Variants in ENOX1 observed in about 807,000 individuals in gnomAD.
ENOX1 encodes ecto-NOX disulfide-thiol exchanger 1, also known as candidate growth-related and time keeping constitutive hydroquinone (NADH) oxidase.
A neutral mutation model predicts 82.5 loss-of-function variants in ENOX1; 42 were observed. That is an observed-to-expected ratio of 0.51 (90% CI 0.40 to 0.66). The LOEUF (loss-of-function observed/expected upper bound fraction) is 0.66, where lower values mean the gene tolerates loss of function less well. Ranked by LOEUF, ENOX1 falls within the 30% of genes least tolerant of loss-of-function variation. The probability of loss-of-function intolerance (pLI) is 0.00; values close to 1 mark genes in which losing one functional copy is unlikely to be tolerated. For synonymous variants in ENOX1, 271 were observed against 282.2 expected, an observed-to-expected ratio of 0.96 and a Z score of 0.40; for missense variants, 608 against 811.6, an observed-to-expected ratio of 0.75 and a Z score of 3.05.
intron 1 of ENOX1, among the ~76,000 whole-genome samples, chr13:43,777,880 T>C (rs1328605213): frequency 6.6e-6 from 1 of 152,224 alleles, no homozygotes. Flanking sequence ...TAATAAAAAA[T>C]AGCATAAGTA....
chr13:43,502,872 A>AAT (rs1200654266), intron 2 of ENOX1, among the ~76,000 whole-genome samples: 2 of 151,418 alleles, frequency 1.3e-5, no homozygotes, highest in African/African-American at 2.4e-5. Flanking sequence ...AATAAAAAGA[A>AAT]ATATATATAT....
intron 1 of ENOX1, among the ~76,000 whole-genome samples, chr13:43,769,693 A>T (rs1022112609): frequency 5.3e-5 from 8 of 152,332 alleles, no homozygotes; most frequent in African/African-American, 1.9e-4. Context: ...GGCTGGTAGA[A>T]TACATTCCTC....
chr13:43,319,984 T>C (rs915530769), intron 11 of ENOX1, among the ~76,000 whole-genome samples: 1 of 152,194 alleles, frequency 6.6e-6, no homozygotes. Context: ...TGGAAGGTGT[T>C]TCCCTCGGGC....
At chr13:43,407,836 G>A (rs909137352) in intron 5 of ENOX1, among the ~76,000 whole-genome samples, 1 of 152,124 alleles carries the variant, frequency 6.6e-6, no homozygotes, top group African/African-American at 2.4e-5. Flanking sequence ...CTACACCAAT[G>A]CACAAAGTAT....
intron 2 of ENOX1, among the ~76,000 whole-genome samples, chr13:43,609,621 T>A (rs912064308): frequency 6.6e-6 from 1 of 152,232 alleles, no homozygotes; most frequent in Non-Finnish European, 1.5e-5. Flanking sequence ...ACATGTAGCA[T>A]CTAATTATTT....
chr13:43,440,878 T>C (rs1262993561), intron 3 of ENOX1, among the ~76,000 whole-genome samples: 1 of 152,240 alleles, frequency 6.6e-6, no homozygotes, highest in Non-Finnish European at 1.5e-5. Flanking sequence ...TCAACTGATG[T>C]TATCAAACAG....
At chr13:43,731,635 C>T (rs895993330) in intron 1 of ENOX1, among the ~76,000 whole-genome samples, 1 of 151,934 alleles carries the variant, frequency 6.6e-6, no homozygotes, top group African/African-American at 2.4e-5. Context: ...GGTGTAACTG[C>T]TTTTGGCTCA....
At chr13:43,284,259 C>A (rs549591204) in intron 12 of ENOX1, among the ~76,000 whole-genome samples, 1 of 151,308 alleles carries the variant, frequency 6.6e-6, no homozygotes, top group East Asian at 1.9e-4. Context: ...AAATACAAAC[C>A]GTTAGGAAAG....
chr13:43,346,691 G>A (rs544136257), intron 8 of ENOX1, among the ~76,000 whole-genome samples: 6 of 152,180 alleles, frequency 3.9e-5, no homozygotes, highest in East Asian at 1.9e-4. Flanking sequence ...TTAACATTAC[G>A]TTCAGCCCAT....
intron 3 of ENOX1, among the ~76,000 whole-genome samples, chr13:43,423,756 A>G (rs1299861813): frequency 6.6e-6 from 1 of 152,232 alleles, no homozygotes; most frequent in Non-Finnish European, 1.5e-5. Context: ...CTTAACTACC[A>G]TCTTACCTAG....
At chr13:43,484,173 A>G in intron 2 of ENOX1, 21 bp from the exon 3 acceptor site, 2 of 984,978 alleles carry the variant, frequency 2.0e-6, no homozygotes, top group Non-Finnish European at 2.4e-6. Flanking sequence ...AGAAAAGCAC[A>G]CCGTTAGGAT....
chr13:43,402,286 G>C (rs1316747895), intron 5 of ENOX1, among the ~76,000 whole-genome samples: 1 of 152,156 alleles, frequency 6.6e-6, no homozygotes, highest in Non-Finnish European at 1.5e-5. Context: ...AAGGGGGCTG[G>C]AGGTCATAGT....
chr13:43,750,630 C>G (rs9595008), intron 1 of ENOX1, among the ~76,000 whole-genome samples: 15,552 of 152,104 alleles, frequency 0.1, 1,391 homozygotes, highest in African/African-American at 0.24. Context: ...TTTTGTCAAA[C>G]GAGTCTTGGA....
chr13:43,369,621 G>A (rs1010076267), intron 5 of ENOX1, among the ~76,000 whole-genome samples: 2 of 152,162 alleles, frequency 1.3e-5, no homozygotes, highest in South Asian at 4.1e-4. Flanking sequence ...CTTTGAAGTT[G>A]ACATTTTGAA....
At chr13:43,542,286 C>T (rs144241575) in intron 2 of ENOX1, among the ~76,000 whole-genome samples, 12 of 151,918 alleles carry the variant, frequency 7.9e-5, no homozygotes, top group East Asian at 5.8e-4. Context: ...GCTACAGGCA[C>T]GTGCCACCAC....
At chr13:43,607,960 G>T (rs560127986) in intron 2 of ENOX1, among the ~76,000 whole-genome samples, 1 of 152,272 alleles carries the variant, frequency 6.6e-6, no homozygotes, top group East Asian at 1.9e-4. Flanking sequence ...ATGGCTTAAG[G>T]CTGGAAGCAC....
At chr13:43,749,215 C>T (rs17461225) in intron 1 of ENOX1, among the ~76,000 whole-genome samples, 8,939 of 152,218 alleles carry the variant, frequency 0.059, 348 homozygotes, top group Non-Finnish European at 0.089. Flanking sequence ...GAGTCAGCCA[C>T]ATTAATCATA....
intron 14 of ENOX1, among the ~76,000 whole-genome samples, chr13:43,256,873 T>C (rs1593561035): frequency 6.6e-6 from 1 of 152,268 alleles, no homozygotes; most frequent in South Asian, 2.1e-4. Context: ...TGCAGTACTA[T>C]TCACAATAGT....
intron 1 of ENOX1, among the ~76,000 whole-genome samples, chr13:43,669,150 T>C (rs1475550730): frequency 6.6e-6 from 1 of 152,164 alleles, no homozygotes; most frequent in East Asian, 1.9e-4. Flanking sequence ...ACACAGAGTG[T>C]CAATGAAACT....
Sources: gnomAD v4.1 joint callset for allele counts (sites outside exome capture counted in the v4.1 genomes callset) on GRCh38, gnomAD v4.1.1 for gene constraint, MANE v1.5 for transcripts, NCBI Gene and HGNC (gene_info 2026-07-23, HGNC 2026-07-21) for gene names.